The following KCNC1 variants were observed in gnomAD, a reference collection of about 807,000 sequenced individuals.
KCNC1 encodes the protein potassium voltage-gated channel subfamily C member 1, also known as voltage-gated potassium channel KCNC1.
KCNC1 carries 8 observed loss-of-function variants against 43.4 expected under a neutral mutation model. The ratio of observed to expected loss-of-function variants is 0.18; its 90% CI spans 0.11 to 0.33. KCNC1 has a LOEUF of 0.33. Among genes scored for constraint, KCNC1 ranks in the 10% least tolerant of loss-of-function variants. KCNC1 has a pLI of 1.00. For missense variants in KCNC1, 420 were observed against 836.0 expected, an observed-to-expected ratio of 0.50 and a Z score of 6.14; for synonymous variants, 361 against 360.5, an observed-to-expected ratio of 1.00 and a Z score of -0.01.
In KCNC1 at chr11:17,740,313, T is replaced by C. The variant is rs148530871; in HGVS notation, c.570+3741T>C. ...GCCCCTGACACACACAAGACAATGA[T>C]GATGGTGGTACTGTTTGGAGAGGCT... On this transcript the variant is annotated intron_variant, in intron 1 of 3. Coordinates refer to ENST00000265969, the MANE Select transcript of KCNC1 (RefSeq NM_001112741.2). Among the ~76,000 whole-genome samples, 13 of 152,152 alleles carry C rather than the reference T, an allele frequency of 8.5e-5. No homozygotes were observed. The East Asian group carries it at 2.3e-3, about 27-fold the overall frequency.
chr11:17,779,869 T>C lies in KCNC1; in HGVS notation c.1693+225T>C, dbSNP rs151179779. ...AACTTGAGGCCCTGGCAGCTGTGGGTTGCTGGGAGTTGAGAGGGGATTGGA... is the reference window on the plus strand; with the variant it reads ...AACTTGAGGCCCTGGCAGCTGTGGGCTGCTGGGAGTTGAGAGGGGATTGGA... On this transcript the variant is annotated intron_variant, in intron 3 of 3. Transcript: ENST00000265969. The surrounding 1 kb of genome is among the most constrained non-coding windows in gnomAD (Gnocchi z 7.2). 2,632 of 403,730 alleles carry C rather than the reference T, an allele frequency of 6.5e-3. 14 individuals are homozygous for C. The highest frequency in any genetic ancestry group is 9.0e-3 in the Non-Finnish European group (2,050 of 227,784). 25.0% of individuals were successfully genotyped at this position (403,730 alleles called of 1,614,324 possible).
rs575587482 is a variant in KCNC1, at chr11:17,781,567, C to A, written c.1694-103C>A. 7.4e-6 allele frequency: 6 copies of A among 810,064 alleles called. No homozygotes were observed. Among genetic ancestry groups the A allele is most frequent in the Admixed American group, 4.3e-5 (2 of 47,044 alleles). 50.2% of individuals were successfully genotyped at this position (810,064 alleles called of 1,614,324 possible). ...AGAAGAATCTGCCTGCCTCTGCATG[C>A]GGCTGTTCTGTCTTTCCTCCTCCTT... On this transcript the variant is annotated intron_variant, in intron 3 of 3. Transcript: ENST00000265969. This position sits in a 1 kb window ranked among gnomAD's most constrained non-coding sequence, Gnocchi z 5.1.
Position 17,781,672 on chromosome 11 carries a change from C to A in KCNC1, c.1696C>A (p.Leu566Ile). 1 of 1,547,130 alleles carries A rather than the reference C, an allele frequency of 6.5e-7. No individual in the cohort carries two copies. Among genetic ancestry groups the A allele is most frequent in the Non-Finnish European group, 8.7e-7 (1 of 1,142,882 alleles). ...TTAATTGTATTCTTTACATACAGAT[C>A]TTTGCAAAGAAAGCCCTGTCATTGC... ...CPPGGGMRKD[L>I]CKESPVIAKY... The change falls in exon 4 of 4, where the codon CTT becomes ATT. Residue 566 changes from leucine (L) to isoleucine (I), a missense_variant and splice_region_variant. Leu to Ile is a conservative substitution (Grantham distance 5). Transcript: ENST00000265969. This position sits in a 1 kb window ranked among gnomAD's most constrained non-coding sequence, Gnocchi z 5.1.
In KCNC1 at chr11:17,771,743, C is replaced by G; in HGVS notation, c.649C>G (p.Pro217Ala). Residue 217 changes from proline to alanine, a missense_variant, in exon 2 of 4, where the codon CCC becomes GCC. By Grantham distance (27) the Pro-to-Ala change is conservative. This residue lies in a region of KCNC1 where 151 missense variants were observed against 216.7 expected (regional missense o/e 0.70). Coordinates refer to ENST00000265969, the MANE Select transcript of KCNC1 (RefSeq NM_001112741.2). The surrounding 1 kb of genome is among the most constrained non-coding windows in gnomAD (Gnocchi z 4.7). ...FCLETHERFN[P>A]IVNKTEIENV... The stretch of plus-strand genomic sequence containing the variant: ...CCTGGAGACCCACGAGCGCTTCAAC[C>G]CCATCGTGAACAAGACGGAGATCGA... 2 of 1,614,210 alleles carry G rather than the reference C, an allele frequency of 1.2e-6. No homozygotes were observed. The highest frequency in any genetic ancestry group is 1.3e-5 in the African/African-American group (1 of 75,068).
Position 17,781,455 on chromosome 11 carries a change from G to A in KCNC1, c.1694-215G>A. On this transcript the variant is annotated intron_variant, in intron 3 of 3. Coordinates refer to ENST00000265969, the MANE Select transcript of KCNC1 (RefSeq NM_001112741.2). The surrounding 1 kb of genome is among the most constrained non-coding windows in gnomAD (Gnocchi z 5.1). ...GGTGTGTGAGTCAATGTGCAGAGCA[G>A]AAGTAGGGACTCATCCCATTCCCCC... is the stretch of plus-strand genomic sequence containing the variant. The A allele has an allele frequency of 1.8e-6, 1 of 555,232 alleles. No individual in the cohort carries two copies. Among genetic ancestry groups the A allele is most frequent in the Non-Finnish European group, 3.2e-6 (1 of 313,800 alleles). The allele number at this position is 555,232 out of a possible 1,614,324, so 34.4% of individuals were successfully genotyped here. A position where few individuals can be genotyped will look rare whatever the true frequency, so the allele number is the denominator to read the frequency against.
At chr11:17,746,990 G>T (rs1026191135) in intron 1 of KCNC1, among the ~76,000 whole-genome samples, 1 of 152,204 alleles carries the variant, frequency 6.6e-6, no homozygotes, top group Admixed American at 6.5e-5. Flanking sequence ...GTGCTTAATT[G>T]TTGTGCATTC....
In KCNC1 at chr11:17,736,440, G is replaced by T; in HGVS notation, c.438G>T (p.Glu146Asp). The change falls in exon 1 of 4, where the codon GAG becomes GAT. Residue 146 changes from glutamate to aspartate, a missense_variant. Physicochemically the swap from Glu to Asp is conservative, Grantham distance 45. Around this residue, in one of 5 missense-constraint regions of KCNC1, gnomAD observed 151 missense variants for 216.7 expected, o/e 0.70. Coordinates refer to ENST00000265969, the MANE Select transcript of KCNC1 (RefSeq NM_001112741.2). The surrounding 1 kb of genome is among the most constrained non-coding windows in gnomAD (Gnocchi z 9.3). ...GCCCTGGCGACTCGGGCGACGGCGA[G>T]GACGAGCTGGAGATGACCAAGCGCC... ...ADGPGDSGDG[E>D]DELEMTKRLA... The T allele has an allele frequency of 1.2e-6, 2 of 1,605,436 alleles. No homozygotes were observed. The highest frequency in any genetic ancestry group is 2.2e-5 in the East Asian group (1 of 44,686).
rs1848811077 is a variant in KCNC1, at chr11:17,739,389, GTGTGTGTGT to G, written c.570+2818_570+2826del. Among the ~76,000 whole-genome samples, 1 of 95,538 alleles carries G rather than the reference GTGTGTGTGT, an allele frequency of 1.0e-5. No individual in the cohort carries two copies. The highest frequency in any genetic ancestry group is 3.0e-5 in the African/African-American group (1 of 33,200). The allele number at this position is 95,538 out of a possible 152,430, so 62.7% of individuals were successfully genotyped here. ...TGTGTGTGTGTGTGTGTGTGTGTGTGTGTGTGTGTGGTGAGACTGCGACTCTGTGCGAGC... is the reference window on the plus strand; with the variant it reads ...TGTGTGTGTGTGTGTGTGTGTGTGTGGGTGAGACTGCGACTCTGTGCGAGC... On this transcript the variant is annotated intron_variant, in intron 1 of 3. Coordinates refer to ENST00000265969, the MANE Select transcript of KCNC1 (RefSeq NM_001112741.2). This position sits in a 1 kb window ranked among gnomAD's most constrained non-coding sequence, Gnocchi z 4.2.
At chr11:17,769,162 G>C (rs535294282) in intron 1 of KCNC1, among the ~76,000 whole-genome samples, 1 of 152,312 alleles carries the variant, frequency 6.6e-6, no homozygotes, top group East Asian at 1.9e-4. Flanking sequence ...TGAGGGTTCA[G>C]CTTTTCAGTC....
chr11:17,757,275 G>A (rs978483710), intron 1 of KCNC1, among the ~76,000 whole-genome samples: 2 of 152,180 alleles, frequency 1.3e-5, no homozygotes, highest in Admixed American at 6.5e-5. Flanking sequence ...GATGGTGCAA[G>A]GAAGAGAGCA....
intron 1 of KCNC1, among the ~76,000 whole-genome samples, chr11:17,746,179 T>C (rs1414069103): frequency 1.3e-5 from 2 of 152,202 alleles, no homozygotes; most frequent in Non-Finnish European, 2.9e-5. Context: ...CTCCATCCCC[T>C]GAGCCTGGAG....
intron 1 of KCNC1, among the ~76,000 whole-genome samples, chr11:17,749,931 G>A (rs1356815063): frequency 6.6e-6 from 1 of 152,226 alleles, no homozygotes; most frequent in Non-Finnish European, 1.5e-5. Flanking sequence ...AAGAGCATTA[G>A]GGAGAAAACA....
chr11:17,766,117 T>C (rs1849148114), intron 1 of KCNC1, among the ~76,000 whole-genome samples: 1 of 152,208 alleles, frequency 6.6e-6, no homozygotes. Flanking sequence ...CTCCATGTGC[T>C]CACAGTGCGT....
intron 2 of KCNC1, chr11:17,775,524 C>G (rs995587599): frequency 1.0e-6 from 1 of 985,376 alleles, no homozygotes; most frequent in African/African-American, 1.7e-5. Context: ...CGCCCTGGCA[C>G]AGCCAGGGAT....
chr11:17,773,539 C>T lies in KCNC1; in HGVS notation c.1504+941C>T, dbSNP rs1849254891. 4 of 983,802 alleles carry T rather than the reference C, an allele frequency of 4.1e-6. No individual in the cohort carries two copies. Among genetic ancestry groups the T allele is most frequent in the African/African-American group, 1.8e-5 (1 of 56,650 alleles). 60.9% of individuals were successfully genotyped at this position (983,802 alleles called of 1,614,324 possible). Reference sequence around the variant, plus strand: ...ATCCCAACCAGTGTACAACCACTTTCCCGTGAATTCACTGGGGGCCGGGAG... The same window carrying T: ...ATCCCAACCAGTGTACAACCACTTTTCCGTGAATTCACTGGGGGCCGGGAG... On this transcript the variant is annotated intron_variant, in intron 2 of 3. Coordinates refer to ENST00000265969, the MANE Select transcript of KCNC1 (RefSeq NM_001112741.2). This position sits in a 1 kb window ranked among gnomAD's most constrained non-coding sequence, Gnocchi z 4.1.
In KCNC1 at chr11:17,776,950, A is replaced by G. The variant is rs2133808762; in HGVS notation, c.1505-2506A>G. On this transcript the variant is annotated intron_variant, in intron 2 of 3. Coordinates refer to ENST00000265969, the MANE Select transcript of KCNC1 (RefSeq NM_001112741.2). The surrounding 1 kb of genome is among the most constrained non-coding windows in gnomAD (Gnocchi z 4.4). ...GAGCAAGACTTAAGCTTCCCCACCCAATCATTAGTCCCTCCTCAAAGGTTA... is the reference window on the plus strand; with the variant it reads ...GAGCAAGACTTAAGCTTCCCCACCCGATCATTAGTCCCTCCTCAAAGGTTA... The G allele has an allele frequency of 1.0e-6, 1 of 985,334 alleles. No homozygotes were observed. The highest frequency in any genetic ancestry group is 1.2e-6 in the Non-Finnish European group (1 of 829,962). 61.0% of individuals were successfully genotyped at this position (985,334 alleles called of 1,614,324 possible).
intron 2 of KCNC1, chr11:17,774,121 G>A (rs528769439): frequency 3.0e-5 from 30 of 985,426 alleles, no homozygotes; most frequent in Admixed American, 6.1e-5. Context: ...TCACCCTGCC[G>A]CATACCCTTC....
In KCNC1 at chr11:17,768,617, G is replaced by GC. The variant is rs904059091; in HGVS notation, c.571-3048_571-3047insC. 7.2e-5 allele frequency among the ~76,000 whole-genome samples: 11 copies of GC among 151,884 alleles called. No individual in the cohort carries two copies. The South Asian group carries it at 8.4e-4, about 12-fold the overall frequency. Reference sequence around the variant, plus strand: ...CAGTGGAGAATGGATGTTGGTGGGGGGGGGGGCGGTTTGGGAATGGGATGT... The same window carrying GC: ...CAGTGGAGAATGGATGTTGGTGGGGGCGGGGGGCGGTTTGGGAATGGGATGT... On this transcript the variant is annotated intron_variant, in intron 1 of 3. Coordinates refer to ENST00000265969, the MANE Select transcript of KCNC1 (RefSeq NM_001112741.2).
intron 1 of KCNC1, among the ~76,000 whole-genome samples, chr11:17,741,475 C>T (rs1289810681): frequency 2.0e-5 from 3 of 152,124 alleles, no homozygotes; most frequent in African/African-American, 7.2e-5. Flanking sequence ...CGTCTCCCTC[C>T]ACCTCCATGT....
Sources: allele counts gnomAD v4.1 joint callset (sites outside exome capture counted in the v4.1 genomes callset), GRCh38; gene constraint gnomAD v4.1.1; regional missense constraint gnomAD v4.1.1; non-coding constraint Gnocchi (gnomAD v3.1); transcripts MANE v1.5; gene names NCBI Gene and HGNC (gene_info 2026-07-23, HGNC 2026-07-21).